GPM6B: variants seen among roughly 807,000 people sequenced by gnomAD.
The protein encoded by GPM6B is neuronal membrane glycoprotein M6-b.
Under a neutral mutation model 27.2 loss-of-function variants are expected in GPM6B, and 4 were observed. The ratio of observed to expected loss-of-function variants is 0.15; its 90% CI spans 0.07 to 0.34. The LOEUF is 0.34. Among genes scored for constraint, GPM6B ranks in the 10% least tolerant of loss-of-function variants. The pLI is 1.00. For missense variants in GPM6B, 183 were observed against 261.9 expected, an observed-to-expected ratio of 0.70 and a Z score of 2.08; for synonymous variants, 124 against 103.1, an observed-to-expected ratio of 1.20 and a Z score of -1.23.
chrX:13,854,149 G>A (rs927512505), intron 1 of GPM6B, among the ~76,000 whole-genome samples: 7 of 111,617 alleles, frequency 6.3e-5, no homozygotes, highest in East Asian at 2.8e-4. Context: ...CTGTTTGGTC[G>A]GCTGCTTGTC....
chrX:13,773,062 G>A (rs749599500), intron 7 of GPM6B, 32 bp from the exon 8 acceptor site: 1 of 1,182,194 alleles, frequency 8.5e-7, no homozygotes, highest in East Asian at 3.0e-5. Flanking sequence ...GATGGCTAGT[G>A]AGCATTGTGA....
chrX:13,777,514 T>C lies in GPM6B; in HGVS notation c.698-89A>G, dbSNP rs1336601899. On this transcript the variant is annotated intron_variant, in intron 5 of 7. Transcript: ENST00000316715. ...CCACCACTTCGGATGCCAGTTACAG[T>C]GTAATTGTAGGCTATGTTCTTCATT... 4.5e-5 allele frequency: 26 copies of C among 583,074 alleles called. No homozygotes were observed. In the East Asian group the frequency reaches 8.6e-4, roughly 19 times the overall value. The allele number at this position is 583,074 out of a possible 1,213,427, so 48.1% of individuals were successfully genotyped here. A position where few individuals can be genotyped will look rare whatever the true frequency, so the allele number is the denominator to read the frequency against.
chrX:13,921,119 A>G lies in GPM6B; in HGVS notation c.-198+17208T>C, dbSNP rs749653862. ...AGAATGCCTTGTAAGAGTTTAATGA[A>G]TATCAACTGACTTACACAAGTAGGC... On this transcript the variant is annotated intron_variant, in intron 1 of 6. Transcript: ENST00000398361. Among the ~76,000 whole-genome samples, 58 of 112,138 alleles carry G rather than the reference A, an allele frequency of 5.2e-4. 1 individual carries two copies. The highest frequency in any genetic ancestry group is 1.6e-3 in the Admixed American group (17 of 10,565).
At chrX:13,911,454 A>G (rs1210692335) in intron 1 of GPM6B, among the ~76,000 whole-genome samples, 1 of 112,305 alleles carries the variant, frequency 8.9e-6, no homozygotes, top group Non-Finnish European at 1.9e-5. Context: ...CGTCCAACAT[A>G]GTAGTCTCAA....
chrX:13,849,338 T>C (rs756968890), intron 1 of GPM6B, among the ~76,000 whole-genome samples: 2 of 112,350 alleles, frequency 1.8e-5, no homozygotes, highest in Non-Finnish European at 3.8e-5. Flanking sequence ...CACTTTAGCT[T>C]TCTGTGAACT....
At chrX:13,869,580 C>T (rs765739776) in intron 1 of GPM6B, among the ~76,000 whole-genome samples, 3 of 111,361 alleles carry the variant, frequency 2.7e-5, no homozygotes, top group South Asian at 3.8e-4. Context: ...AGTTTGGTTC[C>T]GATTGTCGAA....
chrX:13,782,023 C>T lies in GPM6B; in HGVS notation c.525+1342G>A, dbSNP rs1007283286. Among the ~76,000 whole-genome samples the T allele has an allele frequency of 4.5e-5, 5 of 111,821 alleles. No homozygotes were observed. In the Admixed American group the frequency reaches 4.7e-4, roughly 11 times the overall value. ...ACATGACTTTCTGTCCTGTTTCTGT[C>T]CCCAGCATCCTCAGCCCTGCCCCGT... On this transcript the variant is annotated intron_variant, in intron 4 of 7. Transcript: ENST00000316715.
chrX:13,868,803 G>A lies in GPM6B; in HGVS notation c.-198+69524C>T, dbSNP rs60670744. On this transcript the variant is annotated intron_variant, in intron 1 of 6. Transcript: ENST00000398361. ...AATTCACTGCACAACTCCCTGAAGT[G>A]GTGGTTATGGATTTGGACATAACAT... 9.1e-3 allele frequency among the ~76,000 whole-genome samples: 1,023 copies of A among 112,136 alleles called. 7 individuals are homozygous for A. The highest frequency in any genetic ancestry group is 0.032 in the African/African-American group (988 of 30,851).
intron 1 of GPM6B, among the ~76,000 whole-genome samples, chrX:13,918,167 CAGACTGTGGGCTCTTCCTCA>C (rs1259507133): frequency 8.9e-6 from 1 of 112,838 alleles, no homozygotes; most frequent in Non-Finnish European, 1.9e-5. Context: ...TTCCGCCCAC[CAGACTGTGGGCTCTTCCTCA>C]AGGACAAGGA....
chrX:13,891,282 T>A (rs1167139632), intron 1 of GPM6B, among the ~76,000 whole-genome samples: 1 of 111,368 alleles, frequency 9.0e-6, no homozygotes, highest in African/African-American at 3.3e-5. Context: ...AGAATCTGCA[T>A]ATTAACCAGA....
intron 1 of GPM6B, among the ~76,000 whole-genome samples, chrX:13,809,475 T>C (rs746213789): frequency 1.8e-5 from 2 of 111,519 alleles, no homozygotes; most frequent in Non-Finnish European, 3.8e-5. Context: ...TCAGTCTTCC[T>C]TAGATTGAGA....
intron 1 of GPM6B, among the ~76,000 whole-genome samples, chrX:13,843,029 C>A (rs191935663): frequency 9.0e-6 from 1 of 110,949 alleles, no homozygotes; most frequent in South Asian, 3.8e-4. Context: ...ACTGTTAACA[C>A]GATCTAATTT....
At position 13,853,805 on chromosome X, in the gene GPM6B, T is replaced by C. The variant is rs561704278; in HGVS notation, c.-197-67997A>G. ...TGGAGGCACCCTCTGCCTAAACATA[T>C]TGAAATTCCAGACTCCAGGAAGGAA... On this transcript the variant is annotated intron_variant, in intron 1 of 6. Coordinates refer to the GPM6B transcript ENST00000398361. Among the ~76,000 whole-genome samples the C allele has an allele frequency of 3.6e-5, 4 of 110,639 alleles. No individual in the cohort carries two copies. The South Asian group carries it at 1.5e-3, about 43-fold the overall frequency.
At chrX:13,880,675 C>CAAAAAAAAAAAAAAAAAAAAAAAAA (rs57849359) in intron 1 of GPM6B, among the ~76,000 whole-genome samples, 2 of 46,617 alleles carry the variant, frequency 4.3e-5, no homozygotes, top group African/African-American at 1.2e-4. Context: ...GGCTCCATCT[C>CAAAAAAAAAAAAAAAAAAAAAAAAA]AAAAAAAAAA....
chrX:13,825,681 G>A (rs1229708872), intron 1 of GPM6B, among the ~76,000 whole-genome samples: 2 of 112,813 alleles, frequency 1.8e-5, no homozygotes, highest in African/African-American at 3.2e-5. Flanking sequence ...TCGGTTGGGA[G>A]GTGAAGAAGA....
intron 1 of GPM6B, among the ~76,000 whole-genome samples, chrX:13,922,808 C>A (rs760893853): frequency 8.9e-6 from 1 of 112,487 alleles, no homozygotes; most frequent in South Asian, 3.7e-4. Context: ...ACCCCCAAGA[C>A]AGAAACATAT....
chrX:13,793,943 G>A (rs1001793361), intron 2 of GPM6B, among the ~76,000 whole-genome samples: 3 of 111,638 alleles, frequency 2.7e-5, no homozygotes, highest in Admixed American at 9.5e-5. Flanking sequence ...TTTTTTAACC[G>A]CTTAGAATAT....
intron 1 of GPM6B, among the ~76,000 whole-genome samples, chrX:13,865,504 G>A (rs1278662414): frequency 3.7e-5 from 3 of 80,797 alleles, no homozygotes; most frequent in Admixed American, 1.6e-4. Flanking sequence ...GCCTGAGGCC[G>A]GCAGATCACT....
intron 1 of GPM6B, among the ~76,000 whole-genome samples, chrX:13,890,139 C>T (rs1000008602): frequency 2.7e-5 from 3 of 111,192 alleles, no homozygotes; most frequent in Non-Finnish European, 5.7e-5. Flanking sequence ...GTCATAAAGA[C>T]CTTGCTGATA....
Sources: allele counts gnomAD v4.1 joint callset (sites outside exome capture counted in the v4.1 genomes callset), GRCh38; gene constraint gnomAD v4.1.1; transcripts MANE v1.5; gene names NCBI Gene and HGNC (gene_info 2026-07-23, HGNC 2026-07-21).